Variants in PLCXD2 observed in about 807,000 individuals in gnomAD.
The protein encoded by PLCXD2 is phosphatidylinositol specific phospholipase C X domain containing 2, also known as PI-PLC X domain-containing protein 2.
PLCXD2 carries 21 observed loss-of-function variants against 28.6 expected under a neutral mutation model. That is an observed-to-expected ratio of 0.73 (90% CI 0.52 to 1.06). PLCXD2 has a LOEUF of 1.06. Among genes scored for constraint, PLCXD2 ranks in the 50% least tolerant of loss-of-function variants. The pLI is 0.00. For missense variants in PLCXD2, 369 were observed against 376.7 expected (o/e 0.98, Z 0.17); for synonymous variants, 140 against 150.1 (o/e 0.93, Z 0.49).
intron 1 of PLCXD2, among the ~76,000 whole-genome samples, chr3:111,704,032 A>G (rs1941083229): frequency 6.6e-6 from 1 of 152,222 alleles, no homozygotes; most frequent in Non-Finnish European, 1.5e-5. Flanking sequence ...GAAACAAAAC[A>G]CTGAGTCATC....
chr3:111,697,446 A>G (rs1940978737), intron 1 of PLCXD2, among the ~76,000 whole-genome samples: 1 of 152,236 alleles, frequency 6.6e-6, no homozygotes, highest in African/African-American at 2.4e-5. Flanking sequence ...CCATACTTAC[A>G]TCTCTAAGAA....
At position 111,720,238 on chromosome 3, in the gene PLCXD2, C is replaced by T. The variant is rs538216721; in HGVS notation, c.866+6110C>T. On this transcript the variant is annotated intron_variant, in intron 3 of 4. Transcript: ENST00000477665. Reference sequence around the variant, plus strand: ...TTTTCTTTTTTTTCAGACAGAGTCTCACTCTGTCACCCAAACTGGAGTGCA... The same window carrying T: ...TTTTCTTTTTTTTCAGACAGAGTCTTACTCTGTCACCCAAACTGGAGTGCA... Among the ~76,000 whole-genome samples the T allele has an allele frequency of 2.9e-4, 44 of 152,106 alleles. No individual in the cohort carries two copies. The South Asian group carries it at 4.2e-3, about 14-fold the overall frequency.
At chr3:111,717,793 A>AACTGACCACTCCTCTG in intron 3 of PLCXD2, among the ~76,000 whole-genome samples, 1 of 152,314 alleles carries the variant, frequency 6.6e-6, no homozygotes, top group African/African-American at 2.4e-5. Context: ...TATCAGGTTC[A>AACTGACCACTCCTCTG]GTACTACTGT....
chr3:111,681,341 A>C (rs1183480867), intron 1 of PLCXD2, among the ~76,000 whole-genome samples: 1 of 152,126 alleles, frequency 6.6e-6, no homozygotes, highest in Non-Finnish European at 1.5e-5. Context: ...CTTTGGGAAA[A>C]ACTCAGCCCT....
intron 1 of PLCXD2, among the ~76,000 whole-genome samples, chr3:111,703,324 A>G (rs1183935347): frequency 6.6e-6 from 1 of 152,150 alleles, no homozygotes; most frequent in African/African-American, 2.4e-5. Flanking sequence ...GGAAATATAC[A>G]TGCTCTCCCT....
At chr3:111,675,520 T>G in intron 1 of PLCXD2, 112 bp downstream of exon 1, 1 of 1,291,684 alleles carries the variant, frequency 7.7e-7, no homozygotes, top group Non-Finnish European at 1.1e-6. Flanking sequence ...CAGTGACCCC[T>G]TTTTATTTCC....
chr3:111,678,822 G>A (rs1269341766), intron 1 of PLCXD2, among the ~76,000 whole-genome samples: 1 of 152,128 alleles, frequency 6.6e-6, no homozygotes, highest in East Asian at 1.9e-4. Context: ...TGTAGAAAGA[G>A]CTGGAAGGAA....
intron 1 of PLCXD2, among the ~76,000 whole-genome samples, chr3:111,679,930 C>G (rs1368206810): frequency 6.6e-6 from 1 of 152,108 alleles, no homozygotes; most frequent in Non-Finnish European, 1.5e-5. Context: ...TTTCTTGTTC[C>G]CCTCTTTGCT....
At chr3:111,689,031 G>T (rs995735230) in intron 1 of PLCXD2, among the ~76,000 whole-genome samples, 1 of 151,936 alleles carries the variant, frequency 6.6e-6, no homozygotes. Context: ...ATATACAAGA[G>T]TTCAAATAAA....
intron 1 of PLCXD2, among the ~76,000 whole-genome samples, chr3:111,685,924 C>A (rs1576454176): frequency 6.6e-6 from 1 of 152,338 alleles, no homozygotes; most frequent in East Asian, 1.9e-4. Context: ...CTCCCCCCCA[C>A]AACATGGGAT....
At chr3:111,702,684 T>G (rs1299738150) in intron 1 of PLCXD2, among the ~76,000 whole-genome samples, 6 of 151,812 alleles carry the variant, frequency 4.0e-5, no homozygotes, top group Non-Finnish European at 7.4e-5. Flanking sequence ...CCCTACCAAT[T>G]CCCAAGCAGC....
chr3:111,707,973 G>C lies in PLCXD2; in HGVS notation c.211G>C (p.Gly71Arg), dbSNP rs1186292998. 2 of 1,613,970 alleles carry C rather than the reference G, an allele frequency of 1.2e-6. No homozygotes were observed. The highest frequency in any genetic ancestry group is 1.7e-6 in the Non-Finnish European group (2 of 1,180,018). The change falls in exon 2 of 5, where the codon GGG becomes CGG. Residue 71 changes from glycine (G) to arginine (R), a missense_variant. Coordinates refer to ENST00000477665, the MANE Select transcript of PLCXD2 (RefSeq NM_001185106.1). ...CTGGGTGGATGAAAAGTCCCCAGTG[G>C]GGCCTGACCAAACCCAAGCTATCAA... is the stretch of plus-strand genomic sequence containing the variant.
At chr3:111,676,049 A>C (rs1433578955) in intron 1 of PLCXD2, among the ~76,000 whole-genome samples, 1 of 152,192 alleles carries the variant, frequency 6.6e-6, no homozygotes, top group Non-Finnish European at 1.5e-5. Flanking sequence ...ACTGATTTAG[A>C]ACTGCAGCCT....
In PLCXD2 at chr3:111,674,859, G is replaced by C. The variant is rs954978849; in HGVS notation, c.-387G>C. 2.2e-5 allele frequency: 4 copies of C among 183,146 alleles called. No homozygotes were observed. Among genetic ancestry groups the C allele is most frequent in the African/African-American group, 9.5e-5 (4 of 42,000 alleles). The allele number at this position is 183,146 out of a possible 1,614,324, so 11.3% of individuals were successfully genotyped here. On this transcript the variant is annotated 5_prime_UTR_variant, in exon 1 of 5. Transcript: ENST00000477665. The stretch of plus-strand genomic sequence containing the variant: ...CCGGCGCGCCCGGGCGCGCACCTGT[G>C]TATGGACCCGCAGGCATGTCTGTAC...
chr3:111,722,294 A>C (rs929241880), intron 3 of PLCXD2: 1 of 152,106 alleles, frequency 6.6e-6, no homozygotes, highest in African/African-American at 2.4e-5. Flanking sequence ...CCCAGGATAG[A>C]TGCTGCTATG....
At chr3:111,719,251 G>A (rs954881375) in intron 3 of PLCXD2, among the ~76,000 whole-genome samples, 4 of 152,208 alleles carry the variant, frequency 2.6e-5, no homozygotes, top group Admixed American at 2.0e-4. Flanking sequence ...ATTAGAATCT[G>A]TAAAAATTAA....
intron 3 of PLCXD2, chr3:111,725,703 T>A (rs910335255): frequency 1.5e-5 from 6 of 398,450 alleles, no homozygotes; most frequent in African/African-American, 1.2e-4. Context: ...CCAGCAAAAC[T>A]TTTAGGACTT....
At chr3:111,689,175 C>T (rs1940839827) in intron 1 of PLCXD2, among the ~76,000 whole-genome samples, 2 of 152,124 alleles carry the variant, frequency 1.3e-5, no homozygotes, top group Non-Finnish European at 2.9e-5. Flanking sequence ...GTGAGCTGGA[C>T]TGTGAGAGAC....
chr3:111,681,998 C>T (rs1940723905), intron 1 of PLCXD2, among the ~76,000 whole-genome samples: 1 of 152,198 alleles, frequency 6.6e-6, no homozygotes, highest in African/African-American at 2.4e-5. Flanking sequence ...CAAACCAGGC[C>T]TGCAGAGGAG....
Sources: gnomAD v4.1 joint callset for allele counts (sites outside exome capture counted in the v4.1 genomes callset) on GRCh38, gnomAD v4.1.1 for gene constraint, MANE v1.5 for transcripts, NCBI Gene and HGNC (gene_info 2026-07-23, HGNC 2026-07-21) for gene names.